The following RPH3A variants were observed in gnomAD, a reference collection of about 807,000 sequenced individuals.
RPH3A encodes the protein rabphilin-3A.
Under a neutral mutation model 102.2 loss-of-function variants are expected in RPH3A, and 48 were observed. That is an observed-to-expected ratio of 0.47 (90% CI 0.37 to 0.60). The LOEUF (loss-of-function observed/expected upper bound fraction) is 0.60, where lower values mean the gene tolerates loss of function less well. RPH3A is among the 20% of genes least tolerant of loss of function. The pLI, the probability that RPH3A is intolerant of heterozygous loss-of-function variation, is 0.00. For missense variants in RPH3A, 781 were observed against 910.1 expected (o/e 0.86, Z 1.83); for synonymous variants, 310 against 324.3 (o/e 0.96, Z 0.47).
chr12:112,829,497 C>T (rs184382222), intron 3 of RPH3A, among the ~76,000 whole-genome samples: 142 of 152,222 alleles, frequency 9.3e-4, no homozygotes, highest in African/African-American at 3.0e-3. Context: ...ATCTCAAACT[C>T]CTGGGCTCAA....
rs547965924 is a variant in RPH3A, at chr12:112,630,963, TA to T, written c.-140+55645del. 1.3e-3 allele frequency among the ~76,000 whole-genome samples: 197 copies of T among 152,226 alleles called. 1 individual carries two copies. The highest frequency in any genetic ancestry group is 2.0e-3 in the Non-Finnish European group (134 of 68,032). The stretch of plus-strand genomic sequence containing the variant: ...ACACTCAGCTAGCTTAATTAAGGGT[TA>T]GATGGGCAGGTGTGAGGATCAGATG... On this transcript the variant is annotated intron_variant, in intron 1 of 21. Transcript: ENST00000543106.
intron 1 of RPH3A, among the ~76,000 whole-genome samples, chr12:112,700,455 C>T (rs752846848): frequency 1.3e-5 from 2 of 152,188 alleles, no homozygotes; most frequent in Non-Finnish European, 2.9e-5. Context: ...TCGGAAACTC[C>T]TCCTATTCTC....
intron 1 of RPH3A, among the ~76,000 whole-genome samples, chr12:112,741,583 G>A (rs1324139253): frequency 6.6e-6 from 1 of 152,188 alleles, no homozygotes; most frequent in African/African-American, 2.4e-5. Flanking sequence ...GACAGTGGAA[G>A]GGGATAGAGA....
intron 1 of RPH3A, among the ~76,000 whole-genome samples, chr12:112,652,063 T>C (rs1294143815): frequency 6.6e-6 from 1 of 152,230 alleles, no homozygotes; most frequent in Non-Finnish European, 1.5e-5. Flanking sequence ...TGAACATTTA[T>C]GTACAAATGT....
intron 2 of RPH3A, among the ~76,000 whole-genome samples, chr12:112,819,310 G>T (rs140805329): frequency 6.6e-6 from 1 of 152,042 alleles, no homozygotes; most frequent in Non-Finnish European, 1.5e-5. Flanking sequence ...GTTTCATCAC[G>T]TTGGCAAGGC....
chr12:112,758,759 T>C (rs1334199617), intron 1 of RPH3A, among the ~76,000 whole-genome samples: 4 of 152,154 alleles, frequency 2.6e-5, no homozygotes, highest in Non-Finnish European at 5.9e-5. Flanking sequence ...ATAATGCACT[T>C]GAAAAAATGC....
chr12:112,682,946 A>AT (rs1158056154), intron 1 of RPH3A, among the ~76,000 whole-genome samples: 3 of 151,912 alleles, frequency 2.0e-5, no homozygotes, highest in Admixed American at 2.0e-4. Flanking sequence ...CTTAAAACTT[A>AT]TTTTTTCTAG....
intron 1 of RPH3A, among the ~76,000 whole-genome samples, chr12:112,650,054 C>A (rs1170854388): frequency 6.6e-6 from 1 of 152,170 alleles, no homozygotes; most frequent in Non-Finnish European, 1.5e-5. Flanking sequence ...AATGTAGATC[C>A]AGCTTTTAGC....
intron 1 of RPH3A, among the ~76,000 whole-genome samples, chr12:112,599,654 A>G (rs551214107): frequency 1.3e-5 from 2 of 152,288 alleles, no homozygotes; most frequent in Admixed American, 1.3e-4. Context: ...GTTCTTTGGG[A>G]CTTAAAAATT....
intron 1 of RPH3A, among the ~76,000 whole-genome samples, chr12:112,714,111 C>T (rs1328051159): frequency 2.0e-5 from 3 of 151,834 alleles, no homozygotes; most frequent in South Asian, 2.1e-4. Context: ...CAGAAAATGT[C>T]GTTAAGATTC....
In RPH3A at chr12:112,856,057, G is replaced by A. The variant is rs188500601; in HGVS notation, c.230+8215G>A. ...GCTTCTAAAGGCAGCTGCTCTGGCTGCATCCCATCGGTTGGTGGAACCCCA... is the reference window on the plus strand; with the variant it reads ...GCTTCTAAAGGCAGCTGCTCTGGCTACATCCCATCGGTTGGTGGAACCCCA... On this transcript the variant is annotated intron_variant, in intron 5 of 21. Coordinates refer to ENST00000389385, the MANE Select transcript of RPH3A (RefSeq NM_001143854.2). Among the ~76,000 whole-genome samples, 549 of 152,290 alleles carry A rather than the reference G, an allele frequency of 3.6e-3. 1 individual carries two copies. Among genetic ancestry groups the A allele is most frequent in the Middle Eastern group, 0.01 (3 of 294 alleles).
chr12:112,735,579 G>A (rs1400123254), intron 1 of RPH3A, among the ~76,000 whole-genome samples: 1 of 152,198 alleles, frequency 6.6e-6, no homozygotes, highest in Admixed American at 6.5e-5. Context: ...CCATGTCAGC[G>A]GAGGCTAATT....
intron 1 of RPH3A, among the ~76,000 whole-genome samples, chr12:112,755,103 A>T (rs2136063193): frequency 6.6e-6 from 1 of 152,170 alleles, no homozygotes; most frequent in Middle Eastern, 3.4e-3. Flanking sequence ...TTTTTAATTA[A>T]TTCTTTTGGC....
Position 112,822,629 on chromosome 12 carries a change from G to A in RPH3A, c.-18-5672G>A, listed in dbSNP as rs1280075410. On this transcript the variant is annotated intron_variant, in intron 2 of 21. Transcript: ENST00000389385. ...GTCTTTGTAGCAGTCTGAGATTCCA[G>A]GTCTGAGATTCAGTCTAAGATTCAG... Among the ~76,000 whole-genome samples the A allele has an allele frequency of 2.0e-5, 3 of 152,246 alleles. No homozygotes were observed. In the East Asian group the frequency reaches 5.8e-4, roughly 29 times the overall value.
At position 112,843,627 on chromosome 12, in the gene RPH3A, C is replaced by T. The variant is rs137988037; in HGVS notation, c.84-4069C>T. ...CATTGACTTTAGGTCAGGCTGGCTC[C>T]TGACAAGATTGTAAGCTGCAGGAAT... On this transcript the variant is annotated intron_variant, in intron 4 of 21. Transcript: ENST00000389385. Among the ~76,000 whole-genome samples the T allele has an allele frequency of 4.3e-3, 649 of 152,296 alleles. 9 individuals are homozygous for T. Among genetic ancestry groups the T allele is most frequent in the African/African-American group, 0.015 (623 of 41,566 alleles).
intron 1 of RPH3A, among the ~76,000 whole-genome samples, chr12:112,677,409 C>G (rs2040186232): frequency 1.1e-5 from 1 of 88,552 alleles, no homozygotes; most frequent in Non-Finnish European, 2.3e-5. Context: ...CTCCCTCCCT[C>G]CTTCCCTCCT....
chr12:112,755,430 T>G (rs1296778031), intron 1 of RPH3A, among the ~76,000 whole-genome samples: 1 of 152,168 alleles, frequency 6.6e-6, no homozygotes, highest in African/African-American at 2.4e-5. Context: ...CTGATGGTGT[T>G]ATACAGGCAC....
chr12:112,633,156 T>TAGA (rs1163789782), intron 1 of RPH3A, among the ~76,000 whole-genome samples: 3 of 152,120 alleles, frequency 2.0e-5, no homozygotes, highest in Non-Finnish European at 4.4e-5. Context: ...GCTATGATCA[T>TAGA]GCTGCTGCAC....
intron 1 of RPH3A, among the ~76,000 whole-genome samples, chr12:112,593,091 G>A (rs2039490827): frequency 2.6e-5 from 4 of 152,188 alleles, no homozygotes; most frequent in Admixed American, 2.6e-4. Flanking sequence ...GGACCTGAGA[G>A]TGGTGCCCTT....
Sources: allele counts gnomAD v4.1 joint callset (sites outside exome capture counted in the v4.1 genomes callset), GRCh38; gene constraint gnomAD v4.1.1; transcripts MANE v1.5; gene names NCBI Gene and HGNC (gene_info 2026-07-23, HGNC 2026-07-21).